CFAP20DC: variants seen among roughly 807,000 people sequenced by gnomAD.
CFAP20DC encodes protein CFAP20DC.
A neutral mutation model predicts 101.7 loss-of-function variants in CFAP20DC; 84 were observed. The ratio of observed to expected loss-of-function variants is 0.83; its 90% CI spans 0.69 to 0.99. The LOEUF (loss-of-function observed/expected upper bound fraction) is 0.99. Among genes scored for constraint, CFAP20DC ranks in the 50% least tolerant of loss-of-function variants. The pLI is 0.00. For missense variants in CFAP20DC, 1,007 were observed against 970.3 expected, an observed-to-expected ratio of 1.04 and a Z score of -0.50; for synonymous variants, 359 against 351.2, an observed-to-expected ratio of 1.02 and a Z score of -0.25.
At chr3:58,873,163 GC>G (rs1358010544) in intron 7 of CFAP20DC, among the ~76,000 whole-genome samples, 1 of 150,748 alleles carries the variant, frequency 6.6e-6, no homozygotes, top group Admixed American at 6.6e-5. Context: ...TATTCTGGAT[GC>G]TGTAAGGCAG....
chr3:58,878,739 G>C (rs552263367), intron 7 of CFAP20DC, among the ~76,000 whole-genome samples: 38 of 151,928 alleles, frequency 2.5e-4, no homozygotes, highest in African/African-American at 6.8e-4. Flanking sequence ...GTGCTGGGCG[G>C]GGTGGCTCAC....
At chr3:59,047,338 C>A in intron 1 of CFAP20DC, 84 bp from the exon 2 acceptor site, 1 of 881,344 alleles carries the variant, frequency 1.1e-6, no homozygotes, top group Non-Finnish European at 1.7e-6. Context: ...GTGTTCCCGG[C>A]ATCTGTCAGT....
intron 14 of CFAP20DC, among the ~76,000 whole-genome samples, chr3:58,813,308 G>A (rs1465955440): frequency 6.6e-6 from 1 of 151,804 alleles, no homozygotes; most frequent in Non-Finnish European, 1.5e-5. Context: ...TTTTTCCTTT[G>A]TTCTATAACG....
chr3:58,906,603 T>G (rs928179677), intron 6 of CFAP20DC, among the ~76,000 whole-genome samples: 2 of 152,186 alleles, frequency 1.3e-5, no homozygotes, highest in African/African-American at 4.8e-5. Context: ...ATTTTCATTG[T>G]TGGGAAAATA....
chr3:58,821,020 C>G (rs1474486704), intron 14 of CFAP20DC, among the ~76,000 whole-genome samples: 1 of 151,668 alleles, frequency 6.6e-6, no homozygotes, highest in Non-Finnish European at 1.5e-5. Flanking sequence ...CTTTGACAAA[C>G]CTGAGAAAAA....
Position 58,815,788 on chromosome 3 carries a change from T to C in CFAP20DC, c.2176-9332A>G, listed in dbSNP as rs1280399311. On this transcript the variant is annotated intron_variant, in intron 14 of 16. Transcript: ENST00000482387. Reference sequence around the variant, plus strand: ...TCATCATCACTGGCCATCAGAGAAATGCAAATCAAAACCACAATGAGATAC... The same window carrying C: ...TCATCATCACTGGCCATCAGAGAAACGCAAATCAAAACCACAATGAGATAC... Among the ~76,000 whole-genome samples the C allele has an allele frequency of 6.9e-4, 103 of 149,366 alleles. 2 individuals are homozygous for C. Among genetic ancestry groups the C allele is most frequent in the South Asian group, 1.7e-3 (8 of 4,706 alleles).
intron 13 of CFAP20DC, among the ~76,000 whole-genome samples, chr3:58,835,747 T>C (rs2076694840): frequency 1.3e-5 from 2 of 152,210 alleles, no homozygotes; most frequent in Non-Finnish European, 2.9e-5. Flanking sequence ...TGTTTTTGAT[T>C]TGCAATCTCC....
At chr3:58,999,016 C>T (rs1356666933) in intron 4 of CFAP20DC, among the ~76,000 whole-genome samples, 1 of 152,238 alleles carries the variant, frequency 6.6e-6, no homozygotes, top group Admixed American at 6.5e-5. Context: ...ATCATCTTCA[C>T]TGATGAGGAC....
At chr3:58,916,066 G>A (rs1367272992) in intron 5 of CFAP20DC, among the ~76,000 whole-genome samples, 2 of 152,108 alleles carry the variant, frequency 1.3e-5, no homozygotes, top group African/African-American at 4.8e-5. Flanking sequence ...TCTGAGCCAA[G>A]TGGCTCTCTA....
intron 4 of CFAP20DC, among the ~76,000 whole-genome samples, chr3:58,956,888 A>AT (rs896567900): frequency 7.9e-5 from 12 of 152,154 alleles, no homozygotes; most frequent in Non-Finnish European, 1.5e-4. Context: ...AAACCATCAT[A>AT]TCTCGTGAGA....
intron 5 of CFAP20DC, among the ~76,000 whole-genome samples, chr3:58,933,024 C>T (rs1241048489): frequency 6.6e-6 from 1 of 152,062 alleles, no homozygotes; most frequent in Non-Finnish European, 1.5e-5. Context: ...ATTCAGGAAA[C>T]CCATCTCACG....
intron 4 of CFAP20DC, among the ~76,000 whole-genome samples, chr3:59,026,478 AC>A (rs1254780171): frequency 6.6e-6 from 1 of 152,220 alleles, no homozygotes; most frequent in Non-Finnish European, 1.5e-5. Flanking sequence ...GCAATGAATG[AC>A]CAAAAAGATA....
chr3:59,013,839 T>C (rs2093636451), intron 4 of CFAP20DC, among the ~76,000 whole-genome samples: 1 of 152,222 alleles, frequency 6.6e-6, no homozygotes, highest in Non-Finnish European at 1.5e-5. Context: ...GTCTTCCTAC[T>C]GTTTGAATAT....
rs535698549 is a variant in CFAP20DC at position 58,815,551 on chromosome 3, T to A, written c.2176-9095A>T. On this transcript the variant is annotated intron_variant, in intron 14 of 16. Coordinates refer to ENST00000482387, the MANE Select transcript of CFAP20DC (RefSeq NM_001394063.1). ...AGACCTTCTGCACAGCAAAAGAAAC[T>A]ACCATCAGAGTGAACAGGCAACCTA... Among the ~76,000 whole-genome samples, 1,189 of 150,994 alleles carry A rather than the reference T, an allele frequency of 7.9e-3. 39 individuals are homozygous for A. Among genetic ancestry groups the A allele is most frequent in the African/African-American group, 0.028 (1,137 of 41,004 alleles).
chr3:58,717,057 T>A (rs2107035431), downstream of CFAP20DC, among the ~76,000 whole-genome samples: 1 of 152,058 alleles, frequency 6.6e-6, no homozygotes, highest in Middle Eastern at 3.4e-3. The surrounding 1 kb of genome is among the most constrained non-coding windows in gnomAD (Gnocchi z 4.1). Flanking sequence ...CCCCATCCTC[T>A]GACATGCAAA....
chr3:58,739,602 C>A (rs144233516), downstream of CFAP20DC, among the ~76,000 whole-genome samples: 537 of 152,340 alleles, frequency 3.5e-3, 11 homozygotes, highest in Admixed American at 0.033. Flanking sequence ...TGGTCTCAAC[C>A]CTGACTGCAT....
At chr3:58,737,594 A>T (rs9812022), downstream of CFAP20DC, among the ~76,000 whole-genome samples, 1,507 of 152,188 alleles carry the variant, frequency 9.9e-3, 24 homozygotes, top group African/African-American at 0.035. The surrounding 1 kb of genome is among the most constrained non-coding windows in gnomAD (Gnocchi z 4.1). Context: ...ACTGAGAACT[A>T]CTCCAGTAAA....
chr3:59,028,497 C>T (rs1273704347), intron 4 of CFAP20DC, among the ~76,000 whole-genome samples: 1 of 152,150 alleles, frequency 6.6e-6, no homozygotes, highest in African/African-American at 2.4e-5. Flanking sequence ...GCTCTTTCAA[C>T]TTATATTAAA....
intron 14 of CFAP20DC, among the ~76,000 whole-genome samples, chr3:58,827,933 G>C (rs1335324799): frequency 6.6e-6 from 1 of 152,192 alleles, no homozygotes; most frequent in Non-Finnish European, 1.5e-5. Flanking sequence ...AGATACTCCT[G>C]ACTCTTGTGG....
Sources: allele counts gnomAD v4.1 joint callset (sites outside exome capture counted in the v4.1 genomes callset), GRCh38; gene constraint gnomAD v4.1.1; non-coding constraint Gnocchi (gnomAD v3.1); transcripts MANE v1.5; gene names NCBI Gene and HGNC (gene_info 2026-07-23, HGNC 2026-07-21).